CYP19A1: variants seen among roughly 807,000 people sequenced by gnomAD.
The protein encoded by CYP19A1 is cytochrome P450 family 19 subfamily A member 1.
Under a neutral mutation model 44.4 loss-of-function variants are expected in CYP19A1, and 32 were observed. The observed-to-expected ratio is 0.72, with a 90% CI of 0.54 to 0.97. CYP19A1 has a LOEUF of 0.97. CYP19A1 is among the 50% of genes least tolerant of loss of function. The pLI is 0.00. For synonymous variants in CYP19A1, 212 were observed against 215.6 expected (o/e 0.98, Z 0.14); for missense variants, 598 against 637.8 (o/e 0.94, Z 0.67).
chr15:51,261,310 G>A (rs28518777), intron 1 of CYP19A1, among the ~76,000 whole-genome samples: 52,070 of 151,986 alleles, frequency 0.34, 10,494 homozygotes, highest in East Asian at 0.5. Flanking sequence ...AGTGGCCCAC[G>A]ACCATCTTGG....
intron 1 of CYP19A1, among the ~76,000 whole-genome samples, chr15:51,317,562 G>T (rs2036450630): frequency 6.6e-6 from 1 of 152,234 alleles, no homozygotes; most frequent in South Asian, 2.1e-4. Context: ...TAGATACACA[G>T]AGATTTGGGC....
chr15:51,212,297 C>G, intron 9 of CYP19A1, 23 bp downstream of exon 9: 1 of 1,523,432 alleles, frequency 6.6e-7, no homozygotes, highest in South Asian at 1.1e-5. Flanking sequence ...GTGGCACACT[C>G]AGTTTTAAGG....
At chr15:51,325,955 G>A (rs2036602389) in intron 1 of CYP19A1, among the ~76,000 whole-genome samples, 1 of 151,618 alleles carries the variant, frequency 6.6e-6, no homozygotes, top group Non-Finnish European at 1.5e-5. Flanking sequence ...CGTACAATTA[G>A]GCAAAATCAA....
rs116480371 is a variant in CYP19A1, at chr15:51,303,934, A to G, written c.-39+34561T>C. On this transcript the variant is annotated intron_variant, in intron 1 of 9. Coordinates refer to ENST00000396402, the MANE Select transcript of CYP19A1 (RefSeq NM_000103.4). ...CAGCAAGTATAAAGGAAGAGGCAAG[A>G]TGCAGGATGCAGCAGGGTGTTCAAA... 6.1e-3 allele frequency among the ~76,000 whole-genome samples: 930 copies of G among 152,310 alleles called. 12 individuals are homozygous for G. Among genetic ancestry groups the G allele is most frequent in the African/African-American group, 0.022 (899 of 41,556 alleles).
At chr15:51,246,829 G>C (rs59274290) in intron 1 of CYP19A1, among the ~76,000 whole-genome samples, 3,866 of 152,256 alleles carry the variant, frequency 0.025, 203 homozygotes, top group African/African-American at 0.09. Flanking sequence ...CACCCTGGAT[G>C]TGAGGGCTGG....
intron 1 of CYP19A1, among the ~76,000 whole-genome samples, chr15:51,314,418 C>T (rs894641552): frequency 2.6e-5 from 4 of 152,150 alleles, no homozygotes; most frequent in Non-Finnish European, 4.4e-5. Flanking sequence ...CCACAGACCC[C>T]CTGAGGTTCC....
intron 2 of CYP19A1, among the ~76,000 whole-genome samples, chr15:51,241,762 G>T (rs1014168820): frequency 3.9e-5 from 6 of 152,156 alleles, no homozygotes; most frequent in African/African-American, 1.4e-4. Flanking sequence ...TTTAAACTGG[G>T]CATTAAAGTA....
At chr15:51,297,376 A>G (rs971065690) in intron 1 of CYP19A1, among the ~76,000 whole-genome samples, 1 of 152,204 alleles carries the variant, frequency 6.6e-6, no homozygotes, top group African/African-American at 2.4e-5. Flanking sequence ...TTTGCCCAGC[A>G]TGCTAGGTCC....
At chr15:51,254,747 A>G (rs922166950) in intron 1 of CYP19A1, among the ~76,000 whole-genome samples, 1 of 152,162 alleles carries the variant, frequency 6.6e-6, no homozygotes, top group Non-Finnish European at 1.5e-5. Flanking sequence ...TTATGTTTTT[A>G]TGGATGCAAT....
intron 1 of CYP19A1, among the ~76,000 whole-genome samples, chr15:51,311,800 C>T (rs2036316003): frequency 6.6e-6 from 1 of 152,166 alleles, no homozygotes; most frequent in Admixed American, 6.5e-5. Context: ...GGGATTTTAA[C>T]CCTGGCTCAC....
chr15:51,303,537 T>C (rs2036156244), intron 1 of CYP19A1, among the ~76,000 whole-genome samples: 1 of 151,124 alleles, frequency 6.6e-6, no homozygotes, highest in Non-Finnish European at 1.5e-5. Context: ...AGATGCCAAG[T>C]AGGAGATGTA....
chr15:51,240,909 C>A (rs751701318), intron 2 of CYP19A1, among the ~76,000 whole-genome samples: 8 of 152,156 alleles, frequency 5.3e-5, no homozygotes, highest in Non-Finnish European at 8.8e-5. Flanking sequence ...CTGGGCAAGG[C>A]AGATCAACTC....
At chr15:51,333,475 G>A (rs1361553496) in intron 1 of CYP19A1, among the ~76,000 whole-genome samples, 2 of 152,146 alleles carry the variant, frequency 1.3e-5, no homozygotes, top group Non-Finnish European at 2.9e-5. Flanking sequence ...TTACAGAATC[G>A]GGGGTGGTTT....
intron 1 of CYP19A1, among the ~76,000 whole-genome samples, chr15:51,276,497 T>C (rs925840249): frequency 2.6e-5 from 4 of 152,238 alleles, no homozygotes; most frequent in Non-Finnish European, 4.4e-5. Context: ...TACAGTACAG[T>C]TAAAACTGAA....
chr15:51,223,826 G>A (rs1416749841), intron 4 of CYP19A1, among the ~76,000 whole-genome samples: 1 of 152,090 alleles, frequency 6.6e-6, no homozygotes, highest in African/African-American at 2.4e-5. Flanking sequence ...CTGGGTGACT[G>A]CCACTTCAGC....
At chr15:51,220,209 T>C (rs2031953392) in intron 5 of CYP19A1, among the ~76,000 whole-genome samples, 1 of 152,222 alleles carries the variant, frequency 6.6e-6, no homozygotes, top group African/African-American at 2.4e-5. Flanking sequence ...AAATGTCTTC[T>C]CTGCAGAGGC....
chr15:51,336,454 G>C, intron 1 of CYP19A1, among the ~76,000 whole-genome samples: 1 of 152,204 alleles, frequency 6.6e-6, no homozygotes, highest in Non-Finnish European at 1.5e-5. Flanking sequence ...AAGAGGCTGA[G>C]TGGAAGATGC....
intron 1 of CYP19A1, among the ~76,000 whole-genome samples, chr15:51,300,411 G>A (rs776582398): frequency 1.3e-5 from 2 of 152,172 alleles, no homozygotes; most frequent in Non-Finnish European, 2.9e-5. Flanking sequence ...AATCACTTTG[G>A]TGCATTTCAA....
At chr15:51,249,003 G>A (rs1446703014) in intron 1 of CYP19A1, among the ~76,000 whole-genome samples, 2 of 150,588 alleles carry the variant, frequency 1.3e-5, no homozygotes, top group Admixed American at 6.6e-5. Context: ...GCAGTGATGC[G>A]ATCTTGACTC....
Sources: gnomAD v4.1 joint callset for allele counts (sites outside exome capture counted in the v4.1 genomes callset) on GRCh38, gnomAD v4.1.1 for gene constraint, MANE v1.5 for transcripts, NCBI Gene and HGNC (gene_info 2026-07-23, HGNC 2026-07-21) for gene names.